Variants in KRT86 observed in about 807,000 individuals in gnomAD.
KRT86 encodes the protein keratin 86, also known as keratin, type II cuticular Hb6.
A neutral mutation model predicts 41.2 loss-of-function variants in KRT86; 30 were observed. The ratio of observed to expected loss-of-function variants is 0.73; its 90% confidence interval spans 0.54 to 0.99. The LOEUF (loss-of-function observed/expected upper bound fraction) is 0.99. Among genes scored for constraint, KRT86 ranks in the 50% least tolerant of loss-of-function variants. The probability of loss-of-function intolerance (pLI) is 0.00; values close to 1 mark genes in which losing one functional copy is unlikely to be tolerated. For missense variants in KRT86, 561 were observed against 571.4 expected (o/e 0.98, Z 0.19); for synonymous variants, 238 against 238.1 (o/e 1.00, Z 0.00).
intron 2 of KRT86, among the ~76,000 whole-genome samples, chr12:52,280,303 A>G (rs1382717995): frequency 1.3e-5 from 2 of 152,130 alleles, no homozygotes; most frequent in Admixed American, 6.5e-5. Flanking sequence ...TGGTCGGAAG[A>G]TAGAGTGGGG....
intron 2 of KRT86, among the ~76,000 whole-genome samples, chr12:52,279,689 A>G (rs1390933776): frequency 6.6e-6 from 1 of 152,196 alleles, no homozygotes; most frequent in Non-Finnish European, 1.5e-5. Flanking sequence ...ACTTAAGTAT[A>G]TGATGATTCG....
chr12:52,308,273 T>G lies in KRT86; in HGVS notation c.1279+9T>G. The G allele has an allele frequency of 1.9e-6, 3 of 1,614,168 alleles. No individual in the cohort carries two copies. Among genetic ancestry groups the G allele is most frequent in the Non-Finnish European group, 2.5e-6 (3 of 1,180,030 alleles). ...CGGCTCGGTGAATGTCTGTAAGTAG[T>G]GGGGTCCGTCCCCTCCTCCCGCTGG... On this transcript the variant is annotated intron_variant, in intron 10 of 10. Coordinates refer to ENST00000423955, the MANE Select transcript of KRT86 (RefSeq NM_001320198.2).
chr12:52,281,593 C>T (rs1937772989), intron 2 of KRT86, among the ~76,000 whole-genome samples: 1 of 152,180 alleles, frequency 6.6e-6, no homozygotes, highest in Non-Finnish European at 1.5e-5. Context: ...ATCAACCAGA[C>T]CAGCCTGGAG....
chr12:52,282,529 C>T (rs1288008349), intron 2 of KRT86, among the ~76,000 whole-genome samples: 1 of 152,232 alleles, frequency 6.6e-6, no homozygotes, highest in Non-Finnish European at 1.5e-5. Flanking sequence ...AGCCACCGCG[C>T]CCGGCCAAGT....
At chr12:52,300,706 T>G (rs1938352296) in intron 2 of KRT86, among the ~76,000 whole-genome samples, 1 of 151,938 alleles carries the variant, frequency 6.6e-6, no homozygotes. Flanking sequence ...TTTCAAGGAG[T>G]ATAGTGCAGA....
At chr12:52,300,346 G>C (rs772635466) in intron 2 of KRT86, among the ~76,000 whole-genome samples, 1 of 152,126 alleles carries the variant, frequency 6.6e-6, no homozygotes, top group Non-Finnish European at 1.5e-5. Flanking sequence ...AATTCTGGTT[G>C]GTTCAATTAG....
chr12:52,286,359 C>A (rs551755048), intron 2 of KRT86: 1 of 1,555,134 alleles, frequency 6.4e-7, no homozygotes, highest in African/African-American at 1.4e-5. Context: ...TTCAATTGGC[C>A]GCAGGGCGCA....
Position 52,286,979 on chromosome 12 carries a change from AC to A in KRT86, c.-5+11035del, listed in dbSNP as rs1376622367. 3 of 1,568,552 alleles carry A rather than the reference AC, an allele frequency of 1.9e-6. No homozygotes were observed. In the African/African-American group the frequency reaches 4.1e-5, roughly 21 times the overall value. ...AAACTCACACACCAGCCCTCCCCAC[AC>A]CGGAAGTGAATAATAATATTTTTTT... On this transcript the variant is annotated intron_variant, in intron 2 of 10. Transcript: ENST00000423955.
chr12:52,288,396 G>A, intron 2 of KRT86: 6 of 1,614,138 alleles, frequency 3.7e-6, no homozygotes, highest in Non-Finnish European at 5.1e-6. Flanking sequence ...TCGATCTCCT[G>A]GATCAGGGCC....
intron 9 of KRT86, among the ~76,000 whole-genome samples, chr12:52,307,970 C>T (rs1938554591): frequency 6.6e-6 from 1 of 152,226 alleles, no homozygotes; most frequent in Non-Finnish European, 1.5e-5. Context: ...AGTAGGTTTT[C>T]CTGATGAGGA....
At chr12:52,281,777 C>G (rs1334700385) in intron 2 of KRT86, among the ~76,000 whole-genome samples, 1 of 152,174 alleles carries the variant, frequency 6.6e-6, no homozygotes, top group Non-Finnish European at 1.5e-5. Flanking sequence ...CTTGCTCTAT[C>G]ACCCAGGCTA....
Position 52,305,646 on chromosome 12 carries a change from A to G in KRT86, c.901-17A>G. On this transcript the variant is annotated splice_polypyrimidine_tract_variant and intron_variant, in intron 7 of 10. Transcript: ENST00000423955. ...AGGTCCCACCCTGAACCTCATGAGC[A>G]TCTCTACTTCCCCCAGTGTGAGGAG... 1 of 1,614,054 alleles carries G rather than the reference A, an allele frequency of 6.2e-7. No individual in the cohort carries two copies. Among genetic ancestry groups the G allele is most frequent in the Non-Finnish European group, 8.5e-7 (1 of 1,179,936 alleles).
intron 9 of KRT86, chr12:52,306,498 T>A (rs1938522892): frequency 1.4e-6 from 1 of 713,272 alleles, no homozygotes; most frequent in Non-Finnish European, 2.3e-6. Flanking sequence ...TTCATCTCAG[T>A]TGAGATCCAG....
At chr12:52,275,291 A>G (rs1942541354) in intron 1 of KRT86, among the ~76,000 whole-genome samples, 1 of 152,318 alleles carries the variant, frequency 6.6e-6, no homozygotes, top group South Asian at 2.1e-4. Context: ...AGCACTTCCC[A>G]TAGCAGCCTT....
At chr12:52,275,739 C>G (rs939424104) in intron 1 of KRT86, 82 bp from the exon 2 acceptor site, 8 of 542,398 alleles carry the variant, frequency 1.5e-5, no homozygotes, top group Non-Finnish European at 1.9e-5. Flanking sequence ...TAGGTGACCA[C>G]TGGTGACAGC....
At chr12:52,304,817 G>A (rs1938464335) in intron 5 of KRT86, 115 bp from the exon 6 acceptor site, 3 of 1,153,572 alleles carry the variant, frequency 2.6e-6, no homozygotes, top group African/African-American at 1.5e-5. Context: ...GAGGGCATGG[G>A]AATGAGACAC....
rs766845192 is a variant in KRT86 at position 52,302,093 on chromosome 12, C to T, written c.177C>T (p.Cys59=). 1.8e-5 allele frequency: 29 copies of T among 1,580,138 alleles called. No individual in the cohort carries two copies. Among genetic ancestry groups the T allele is most frequent in the South Asian group, 4.5e-5 (4 of 88,878 alleles). Residue 59 remains cysteine (C), a synonymous_variant, in exon 3 of 11, where the codon TGC becomes TGT. Coordinates refer to ENST00000423955, the MANE Select transcript of KRT86 (RefSeq NM_001320198.2). ...GCGGAGGCTTTCGGGCCGGCTCCTG[C>T]GGACGCAGCTTCGGCTACCGCTCCG... ...SVCGGFRAGS[C]GRSFGYRSGG... is the part of the protein sequence containing the mutation.
intron 2 of KRT86, among the ~76,000 whole-genome samples, chr12:52,288,681 C>T (rs1938047893): frequency 6.6e-6 from 1 of 152,084 alleles, no homozygotes; most frequent in Non-Finnish European, 1.5e-5. Context: ...TTCACCCCTC[C>T]TTGCCCTCCT....
intron 1 of KRT86, chr12:52,275,031 A>G (rs1942538474): frequency 6.6e-6 from 1 of 152,048 alleles, no homozygotes; most frequent in South Asian, 2.1e-4. Context: ...TGGCAGGGTC[A>G]CTCACTCCCC....
Sources: gnomAD v4.1 joint callset for allele counts (sites outside exome capture counted in the v4.1 genomes callset) on GRCh38, gnomAD v4.1.1 for gene constraint, MANE v1.5 for transcripts, NCBI Gene and HGNC (gene_info 2026-07-23, HGNC 2026-07-21) for gene names.